Variants in JMY observed in about 807,000 individuals in gnomAD.
JMY encodes the protein junction-mediating and -regulatory protein.
In JMY, 46 loss-of-function variants were observed where a neutral mutation model predicts 103.3. The observed-to-expected ratio is 0.45, with a 90% CI of 0.35 to 0.57. JMY has a LOEUF of 0.57. JMY is among the 20% of genes least tolerant of loss of function. The probability of loss-of-function intolerance (pLI) is 0.00; values close to 1 mark genes in which losing one functional copy is unlikely to be tolerated. For synonymous variants in JMY, 526 were observed against 489.3 expected, an observed-to-expected ratio of 1.07 and a Z score of -0.99; for missense variants, 1,238 against 1,255.2, an observed-to-expected ratio of 0.99 and a Z score of 0.21.
At chr5:79,264,939 CAG>C in intron 1 of JMY, among the ~76,000 whole-genome samples, 1 of 152,184 alleles carries the variant, frequency 6.6e-6, no homozygotes, top group Non-Finnish European at 1.5e-5. Flanking sequence ...TTTTTTGAGG[CAG>C]AGTCTTGCGC....
Position 79,324,778 on chromosome 5 carries a change from G to A in JMY, c.*3176G>A, listed in dbSNP as rs1227313934. 1 of 152,442 alleles carries A rather than the reference G, an allele frequency of 6.6e-6. No individual in the cohort carries two copies. The highest frequency in any genetic ancestry group is 2.4e-5 in the African/African-American group (1 of 41,432). The allele number at this position is 152,442 out of a possible 1,614,324, so 9.4% of individuals were successfully genotyped here. ...TTCATTGTGGAACTGAAATATTTCTGTAATGCATTTTTTAAAAGGAGACTC... is the reference window on the plus strand; with the variant it reads ...TTCATTGTGGAACTGAAATATTTCTATAATGCATTTTTTAAAAGGAGACTC... On this transcript the variant is annotated 3_prime_UTR_variant, in exon 11 of 11. Coordinates refer to ENST00000396137, the MANE Select transcript of JMY (RefSeq NM_152405.5).
chr5:79,283,996 A>G lies in JMY; in HGVS notation c.1206+5913A>G, dbSNP rs373488251. 55 of 571,660 alleles carry G rather than the reference A, an allele frequency of 9.6e-5. 1 individual carries two copies. Among genetic ancestry groups the G allele is most frequent in the African/African-American group, 3.5e-4 (18 of 50,862 alleles). The allele number at this position is 571,660 out of a possible 1,614,324, so 35.4% of individuals were successfully genotyped here. On this transcript the variant is annotated intron_variant, in intron 2 of 10. Transcript: ENST00000396137. ...GTTTGTATTCTTTGTATTTGTAGCT[A>G]TAAACACATTTTGAAGGTAAAGATA...
At chr5:79,247,456 G>A (rs1022297393) in intron 1 of JMY, among the ~76,000 whole-genome samples, 4 of 151,760 alleles carry the variant, frequency 2.6e-5, no homozygotes, top group Non-Finnish European at 5.9e-5. Flanking sequence ...CTACAGGCAG[G>A]TGCCACCACA....
At chr5:79,285,025 G>C in intron 2 of JMY, 1 of 690,588 alleles carries the variant, frequency 1.4e-6, no homozygotes, top group Non-Finnish European at 2.5e-6. Flanking sequence ...TAATGAGTCA[G>C]AGCCAGCTGG....
intron 1 of JMY, among the ~76,000 whole-genome samples, chr5:79,246,301 G>A (rs895346930): frequency 6.6e-6 from 1 of 152,162 alleles, no homozygotes; most frequent in Non-Finnish European, 1.5e-5. Flanking sequence ...CACCTATGGG[G>A]CCATAACTGG....
intron 1 of JMY, among the ~76,000 whole-genome samples, chr5:79,273,094 T>A (rs1264876693): frequency 6.6e-6 from 1 of 152,226 alleles, no homozygotes; most frequent in East Asian, 1.9e-4. Flanking sequence ...TTATAGAAAT[T>A]AAGAGGAAAA....
At position 79,312,515 on chromosome 5, in the gene JMY, T is replaced by A; in HGVS notation, c.2064+17T>A. On this transcript the variant is annotated intron_variant, in intron 8 of 10. Transcript: ENST00000396137. The stretch of plus-strand genomic sequence containing the variant: ...TTTAAACAGGTATTAAAAGTAATGG[T>A]CCATTTATTGTTTTTCTTTTTTTTT... 1 of 1,320,862 alleles carries A rather than the reference T, an allele frequency of 7.6e-7. No individual in the cohort carries two copies. The highest frequency in any genetic ancestry group is 1.0e-6 in the Non-Finnish European group (1 of 968,006). 81.8% of individuals were successfully genotyped at this position (1,320,862 alleles called of 1,614,324 possible). A position where few individuals can be genotyped will look rare whatever the true frequency, so the allele number is the denominator to read the frequency against.
chr5:79,278,146 A>G (rs1034310909), intron 2 of JMY, 63 bp downstream of exon 2: 7 of 1,245,612 alleles, frequency 5.6e-6, no homozygotes, highest in East Asian at 2.4e-5. Context: ...CTGAAAGGCC[A>G]TGCGTTATCC....
chr5:79,293,044 A>T (rs1746467858), intron 4 of JMY, among the ~76,000 whole-genome samples: 1 of 152,182 alleles, frequency 6.6e-6, no homozygotes, highest in Non-Finnish European at 1.5e-5. Flanking sequence ...TGAATTATTA[A>T]GCCCATTCCA....
At chr5:79,263,568 CTT>C (rs1040630459) in intron 1 of JMY, among the ~76,000 whole-genome samples, 9 of 152,048 alleles carry the variant, frequency 5.9e-5, no homozygotes, top group Non-Finnish European at 1.3e-4. Flanking sequence ...TGATTTTTCA[CTT>C]TTTTGTGGAG....
chr5:79,297,650 A>G (rs1173575938), intron 4 of JMY, among the ~76,000 whole-genome samples: 1 of 152,194 alleles, frequency 6.6e-6, no homozygotes, highest in Non-Finnish European at 1.5e-5. Flanking sequence ...CTGATCTCAT[A>G]AAAGTCCTGT....
intron 1 of JMY, among the ~76,000 whole-genome samples, chr5:79,250,668 T>G (rs75008295): frequency 7.1e-6 from 1 of 140,076 alleles, no homozygotes; most frequent in African/African-American, 2.6e-5. Context: ...TTTTTTTTTT[T>G]GGCATATGAA....
At chr5:79,240,110 G>A (rs1744689060) in intron 1 of JMY, among the ~76,000 whole-genome samples, 1 of 151,892 alleles carries the variant, frequency 6.6e-6, no homozygotes, top group African/African-American at 2.4e-5. Flanking sequence ...CTGCCTCCCG[G>A]GTTCCAGTGA....
At chr5:79,289,267 T>C (rs1259737237) in intron 2 of JMY, among the ~76,000 whole-genome samples, 1 of 151,190 alleles carries the variant, frequency 6.6e-6, no homozygotes, top group African/African-American at 2.4e-5. Flanking sequence ...GAATATGGGT[T>C]GTATTATTTC....
At chr5:79,278,751 A>G (rs962809207) in intron 2 of JMY, among the ~76,000 whole-genome samples, 2 of 151,340 alleles carry the variant, frequency 1.3e-5, no homozygotes, top group Admixed American at 6.6e-5. Flanking sequence ...AGCCTAGGCA[A>G]CACCTTGTCT....
intron 7 of JMY, among the ~76,000 whole-genome samples, chr5:79,309,890 T>TG (rs1217108208): frequency 6.6e-6 from 1 of 152,156 alleles, no homozygotes; most frequent in Non-Finnish European, 1.5e-5. Flanking sequence ...AGTTTACTTA[T>TG]GAAGGTTCCA....
chr5:79,277,331 C>T (rs9293768), intron 1 of JMY, among the ~76,000 whole-genome samples: 99,483 of 151,480 alleles, frequency 0.66, 33,038 homozygotes, highest in African/African-American at 0.77. Context: ...TACTAGATAG[C>T]AGAAAATTTT....
In JMY at chr5:79,323,575, C is replaced by T. The variant is rs973413648; in HGVS notation, c.*1973C>T. 1.3e-5 allele frequency: 2 copies of T among 152,188 alleles called. No homozygotes were observed. The highest frequency in any genetic ancestry group is 2.9e-5 in the Non-Finnish European group (2 of 68,034). The allele number at this position is 152,188 out of a possible 1,614,324, so 9.4% of individuals were successfully genotyped here. ...TCAATTTTATGCTATCCAGTTTTTA[C>T]GTACCCATGTGTCAACATTTCATAT... On this transcript the variant is annotated 3_prime_UTR_variant, in exon 11 of 11. Coordinates refer to ENST00000396137, the MANE Select transcript of JMY (RefSeq NM_152405.5).
At chr5:79,257,978 G>C (rs928497788) in intron 1 of JMY, among the ~76,000 whole-genome samples, 1 of 152,032 alleles carries the variant, frequency 6.6e-6, no homozygotes, top group African/African-American at 2.4e-5. Flanking sequence ...GGCCAGGCTG[G>C]TCTTGAACTC....
Sources: gnomAD v4.1 joint callset for allele counts (sites outside exome capture counted in the v4.1 genomes callset) on GRCh38, gnomAD v4.1.1 for gene constraint, MANE v1.5 for transcripts, NCBI Gene and HGNC (gene_info 2026-07-23, HGNC 2026-07-21) for gene names.